The following RNF166 variants were observed in gnomAD, a reference collection of about 807,000 sequenced individuals.
RNF166 encodes the protein E3 ubiquitin-protein ligase RNF166.
In RNF166, 19 loss-of-function variants were observed where a neutral mutation model predicts 29.4. That is an observed-to-expected ratio of 0.65 (90% CI 0.45 to 0.95). The LOEUF (loss-of-function observed/expected upper bound fraction) is 0.95, where lower values mean the gene tolerates loss of function less well. RNF166 is among the 40% of genes least tolerant of loss of function. RNF166 has a pLI of 0.00. For synonymous variants in RNF166, 171 were observed against 134.5 expected, an observed-to-expected ratio of 1.27 and a Z score of -1.88; for missense variants, 347 against 322.1, an observed-to-expected ratio of 1.08 and a Z score of -0.59.
At position 88,706,185 on chromosome 16, in the gene RNF166, G is replaced by A. The variant is rs1243870499; in HGVS notation, c.141C>T (p.Gly47=). 2.0e-5 allele frequency: 25 copies of A among 1,280,552 alleles called. No homozygotes were observed. Among genetic ancestry groups the A allele is most frequent in the African/African-American group, 3.2e-5 (2 of 63,256 alleles). 79.3% of individuals were successfully genotyped at this position (1,280,552 alleles called of 1,614,324 possible). The change falls in exon 1 of 6, where the codon GGC becomes GGT. Residue 47 remains glycine, a synonymous_variant. Coordinates refer to ENST00000312838, the MANE Select transcript of RNF166 (RefSeq NM_178841.4). ...LEVYHRPVAI[G]SCGHTFCGEC... Reference sequence around the variant, plus strand: ...GGCGCGCTCACGTGTGGCCGCAGCTGCCGATGGCCACGGGCCGGTGATAGA... The same window carrying A: ...GGCGCGCTCACGTGTGGCCGCAGCTACCGATGGCCACGGGCCGGTGATAGA...
intron 2 of RNF166, 137 bp from the exon 3 acceptor site, chr16:88,699,869 C>T (rs1042484187): frequency 3.4e-6 from 2 of 595,536 alleles, no homozygotes; most frequent in Admixed American, 6.1e-5. Flanking sequence ...GGGACCCGGT[C>T]CCTTCTGCTG....
At chr16:88,703,937 C>T (rs933390159) in intron 1 of RNF166, 11 of 985,472 alleles carry the variant, frequency 1.1e-5, no homozygotes, top group Non-Finnish European at 1.2e-5. Flanking sequence ...CCCTTCCAGG[C>T]AGGTTCGTGA....
rs1246997284 is a variant in RNF166 at position 88,697,510 on chromosome 16, C to T, written c.*58G>A. ...TGCGCTCCCGAGCAGGTGCCAGGTG[C>T]GACACAGGAGCGGGGACATCCCTGA... On this transcript the variant is annotated 3_prime_UTR_variant, in exon 6 of 6. Coordinates refer to ENST00000312838, the MANE Select transcript of RNF166 (RefSeq NM_178841.4). 1.5e-5 allele frequency: 20 copies of T among 1,316,914 alleles called. No individual in the cohort carries two copies. The highest frequency in any genetic ancestry group is 3.8e-5 in the South Asian group (3 of 78,586). The allele number at this position is 1,316,914 out of a possible 1,614,324, so 81.6% of individuals were successfully genotyped here. A position where few individuals can be genotyped will look rare whatever the true frequency, so the allele number is the denominator to read the frequency against.
At position 88,696,525 on chromosome 16, in the gene RNF166, T is replaced by G. The variant is rs779483688; in HGVS notation, c.*1043A>C. 3.7e-6 allele frequency: 1 copy of G among 266,820 alleles called. No individual in the cohort carries two copies. Among genetic ancestry groups the G allele is most frequent in the South Asian group, 3.0e-5 (1 of 32,908 alleles). 16.5% of individuals were successfully genotyped at this position (266,820 alleles called of 1,614,324 possible). A position where few individuals can be genotyped will look rare whatever the true frequency, so the allele number is the denominator to read the frequency against. ...ATGCTCTGAGACATTTTATTTAAAC[T>G]TTTTTTTTTAAAAAAAAGACAGCAA... On this transcript the variant is annotated 3_prime_UTR_variant, in exon 6 of 6. Transcript: ENST00000312838.
intron 3 of RNF166, 39 bp downstream of exon 3, chr16:88,699,581 C>T (rs376910917): frequency 1.2e-5 from 19 of 1,523,604 alleles, no homozygotes; most frequent in South Asian, 3.5e-5. Flanking sequence ...AGGAAACCGC[C>T]GAGGACAGTT....
chr16:88,704,078 C>T, intron 1 of RNF166: 1 of 985,436 alleles, frequency 1.0e-6, no homozygotes, highest in Non-Finnish European at 1.2e-6. Flanking sequence ...AGGGTGCATG[C>T]CCCCACACTG....
intron 5 of RNF166, 55 bp downstream of exon 5, chr16:88,698,447 G>GGAGGAGGGTGGAT (rs1400141022): frequency 1.5e-6 from 2 of 1,377,196 alleles, no homozygotes; most frequent in South Asian, 1.2e-5. Context: ...GGCCCGAGCA[G>GGAGGAGGGTGGAT]GAGGAGGGTG....
intron 2 of RNF166, among the ~76,000 whole-genome samples, chr16:88,700,293 C>T (rs1049018366): frequency 6.6e-6 from 1 of 152,120 alleles, no homozygotes; most frequent in African/African-American, 2.4e-5. Context: ...AGCAAGGTGC[C>T]GGGAGACACA....
chr16:88,700,298 G>C (rs940604698), intron 2 of RNF166, among the ~76,000 whole-genome samples: 11 of 152,200 alleles, frequency 7.2e-5, no homozygotes, highest in Admixed American at 4.6e-4. Context: ...GGTGCCGGGA[G>C]ACACAGCCGC....
At chr16:88,698,057 C>T (rs1316571284) in intron 5 of RNF166, 2 of 548,708 alleles carry the variant, frequency 3.6e-6, no homozygotes, top group Admixed American at 3.4e-5. Context: ...CAGGGAGGGG[C>T]CGCACCAGGA....
chr16:88,697,714 G>A (rs1368431760), intron 5 of RNF166, 81 bp from the exon 6 acceptor site: 45 of 1,026,076 alleles, frequency 4.4e-5, no homozygotes, highest in Admixed American at 1.6e-4. Flanking sequence ...CCACACAGGC[G>A]TGTCCACCCT....
chr16:88,702,465 C>G (rs1055997405), intron 1 of RNF166, among the ~76,000 whole-genome samples: 1 of 152,320 alleles, frequency 6.6e-6, no homozygotes, highest in South Asian at 2.1e-4. Context: ...GGTTCACAAA[C>G]GACTCAGCTG....
intron 1 of RNF166, chr16:88,704,034 G>A (rs1460870167): frequency 2.0e-6 from 2 of 985,334 alleles, no homozygotes; most frequent in Non-Finnish European, 2.4e-6. Context: ...CTCCTGCTGG[G>A]CCCCCAGGGG....
At chr16:88,701,514 G>T in intron 1 of RNF166, 96 bp from the exon 2 acceptor site, 1 of 1,197,602 alleles carries the variant, frequency 8.4e-7, no homozygotes, top group Non-Finnish European at 1.1e-6. Context: ...GCATTTGTGG[G>T]GTCCACAGGG....
intron 3 of RNF166, 118 bp downstream of exon 3, chr16:88,699,502 G>T: frequency 1.3e-6 from 1 of 766,244 alleles, no homozygotes; most frequent in Non-Finnish European, 2.1e-6. Context: ...CACTTCCCCA[G>T]AGTGGACCCG....
intron 3 of RNF166, 37 bp from the exon 4 acceptor site, chr16:88,699,122 G>T: frequency 2.9e-6 from 4 of 1,366,724 alleles, no homozygotes; most frequent in Non-Finnish European, 4.1e-6. Context: ...GCACGGCTAG[G>T]TGTCTAGGGG....
intron 3 of RNF166, among the ~76,000 whole-genome samples, chr16:88,699,393 C>CCTG (rs1394471145): frequency 6.6e-6 from 1 of 152,244 alleles, no homozygotes; most frequent in African/African-American, 2.4e-5. Context: ...GCGCCCTCCT[C>CCTG]CTGCTCCCCA....
chr16:88,701,932 A>C (rs1410841378), intron 1 of RNF166, among the ~76,000 whole-genome samples: 1 of 152,228 alleles, frequency 6.6e-6, no homozygotes, highest in African/African-American at 2.4e-5. Flanking sequence ...GCCAAGTGGC[A>C]GCACATCCTG....
intron 4 of RNF166, 150 bp from the exon 5 acceptor site, chr16:88,698,759 G>A (rs930075373): frequency 8.0e-5 from 54 of 672,938 alleles, no homozygotes; most frequent in Middle Eastern, 8.4e-4. Flanking sequence ...GGTGACAAGC[G>A]AGTTATTCAG....
Sources: gnomAD v4.1 joint callset for allele counts (sites outside exome capture counted in the v4.1 genomes callset) on GRCh38, gnomAD v4.1.1 for gene constraint, MANE v1.5 for transcripts, NCBI Gene and HGNC (gene_info 2026-07-23, HGNC 2026-07-21) for gene names.